The following PUS10 variants were observed in gnomAD, a reference collection of about 807,000 sequenced individuals.
PUS10 encodes pseudouridine synthase 10.
Under a neutral mutation model 75.0 loss-of-function variants are expected in PUS10, and 59 were observed. The observed-to-expected ratio is 0.79, with a 90% CI of 0.64 to 0.98. PUS10 has a LOEUF of 0.98. Among genes scored for constraint, PUS10 ranks in the 50% least tolerant of loss-of-function variants. The probability of loss-of-function intolerance (pLI) is 0.00; values close to 1 mark genes in which losing one functional copy is unlikely to be tolerated. For synonymous variants in PUS10, 219 were observed against 211.6 expected, an observed-to-expected ratio of 1.03 and a Z score of -0.30; for missense variants, 650 against 614.4, an observed-to-expected ratio of 1.06 and a Z score of -0.61.
rs374136494 is a variant in PUS10 at position 60,948,194 on chromosome 2, G to C, written c.1309-9C>G. The C allele has an allele frequency of 2.7e-5, 44 of 1,613,750 alleles. No individual in the cohort carries two copies. The African/African-American group carries it at 5.3e-4, about 20-fold the overall frequency. On this transcript the variant is annotated splice_polypyrimidine_tract_variant and intron_variant, in intron 15 of 17. Transcript: ENST00000316752. ...TGGTCGATTTTTAAGTCCTAGGGGAGAATATGACACACAGTCCCAGAGTCA... is the reference window on the plus strand; with the variant it reads ...TGGTCGATTTTTAAGTCCTAGGGGACAATATGACACACAGTCCCAGAGTCA...
At position 60,948,173 on chromosome 2, in the gene PUS10, C is replaced by A; in HGVS notation, c.1321G>T (p.Asp441Tyr). 1 of 1,613,968 alleles carries A rather than the reference C, an allele frequency of 6.2e-7. No individual in the cohort carries two copies. Among genetic ancestry groups the A allele is most frequent in the Non-Finnish European group, 8.5e-7 (1 of 1,179,968 alleles). ...AGGACGCGCAAAGGTGTTTTCTGGT[C>A]GATTTTTAAGTCCTAGGGGAGAATA... ...FLNDIKDLKI[D>Y]QKTPLRVLHR... Residue 441 changes from aspartate (D) to tyrosine (Y), a missense_variant, in exon 16 of 18, where the codon GAC becomes TAC. By Grantham distance (160) the Asp-to-Tyr change is radical. Transcript: ENST00000316752.
chr2:61,007,946 G>C (rs531711700), intron 3 of PUS10, among the ~76,000 whole-genome samples: 2 of 150,338 alleles, frequency 1.3e-5, no homozygotes, highest in African/African-American at 4.9e-5. Flanking sequence ...GCTGGGTGGC[G>C]GGTGCCTGTA....
chr2:61,005,066 C>T lies in PUS10; in HGVS notation c.468+1491G>A, dbSNP rs545545253. 5.3e-5 allele frequency among the ~76,000 whole-genome samples: 8 copies of T among 152,242 alleles called. No homozygotes were observed. In the East Asian group the frequency reaches 1.2e-3, roughly 22 times the overall value. ...GGTCGGGTGTCGGAGACCAGCCTGA[C>T]CAACGTGGAGAAACCCCGTCTCTAC... On this transcript the variant is annotated intron_variant, in intron 4 of 17. Transcript: ENST00000316752.
intron 4 of PUS10, among the ~76,000 whole-genome samples, chr2:60,982,486 C>T (rs903522448): frequency 9.9e-5 from 15 of 152,120 alleles, no homozygotes; most frequent in Non-Finnish European, 1.6e-4. Flanking sequence ...TGGTCTCAAA[C>T]TCCTGACCTC....
intron 4 of PUS10, among the ~76,000 whole-genome samples, chr2:60,993,297 A>G (rs956780098): frequency 6.6e-6 from 1 of 152,090 alleles, no homozygotes; most frequent in African/African-American, 2.4e-5. Context: ...TCTACTAAGA[A>G]TACAAAAAAA....
In PUS10 at chr2:60,953,812, C is replaced by A. The variant is rs1056726465; in HGVS notation, c.1190+121G>T. The A allele has an allele frequency of 1.3e-4, 97 of 726,738 alleles. No individual in the cohort carries two copies. In the Middle Eastern group the frequency reaches 3.1e-3, roughly 23 times the overall value. 45.0% of individuals were successfully genotyped at this position (726,738 alleles called of 1,614,324 possible). A position where few individuals can be genotyped will look rare whatever the true frequency, so the allele number is the denominator to read the frequency against. ...GAGAAATGTCTACTTAATCATTTCCCCATTTGTAGTTGTGTTGTTAAGAGT... is the reference window on the plus strand; with the variant it reads ...GAGAAATGTCTACTTAATCATTTCCACATTTGTAGTTGTGTTGTTAAGAGT... On this transcript the variant is annotated intron_variant, in intron 14 of 17. Transcript: ENST00000316752.
intron 15 of PUS10, among the ~76,000 whole-genome samples, chr2:60,949,334 A>C (rs1675190186): frequency 6.6e-6 from 1 of 152,206 alleles, no homozygotes; most frequent in African/African-American, 2.4e-5. Context: ...CTTTAAATTA[A>C]CAACTATCTA....
At chr2:60,974,527 G>A (rs920979037) in intron 4 of PUS10, among the ~76,000 whole-genome samples, 1 of 151,952 alleles carries the variant, frequency 6.6e-6, no homozygotes, top group Non-Finnish European at 1.5e-5. Flanking sequence ...CTCACCACGG[G>A]GGACGAGAAG....
At chr2:60,986,090 T>G (rs1160931687) in intron 4 of PUS10, among the ~76,000 whole-genome samples, 1 of 152,192 alleles carries the variant, frequency 6.6e-6, no homozygotes, top group Non-Finnish European at 1.5e-5. Context: ...ACTTCCTTCA[T>G]TGATAGATCA....
chr2:61,000,281 AAAT>A (rs1678767159), intron 4 of PUS10, among the ~76,000 whole-genome samples: 1 of 152,222 alleles, frequency 6.6e-6, no homozygotes, highest in African/African-American at 2.4e-5. Flanking sequence ...TCTCAAAATT[AAAT>A]AACCCAAGCT....
chr2:61,002,555 C>G (rs1489139146), intron 4 of PUS10, among the ~76,000 whole-genome samples: 5 of 152,198 alleles, frequency 3.3e-5, no homozygotes, highest in African/African-American at 1.2e-4. Context: ...TACAGTGATC[C>G]TCCCACCTCA....
At position 61,008,858 on chromosome 2, in the gene PUS10, T is replaced by C. The variant is rs1573520814; in HGVS notation, c.284A>G (p.His95Arg). ...QNGEGRISVS[H>R]VGSTASKNSN... ...GTTCTTGGAAGCAGTGCTTCCAACA[T>C]GACTAACAGAGATCCTTCCCTCTCC... The change falls in exon 3 of 18, where the codon CAT becomes CGT. Residue 95 changes from histidine to arginine, a missense_variant. Coordinates refer to ENST00000316752, the MANE Select transcript of PUS10 (RefSeq NM_144709.4). 6.2e-7 allele frequency: 1 copy of C among 1,613,292 alleles called. No homozygotes were observed. Among genetic ancestry groups the C allele is most frequent in the Non-Finnish European group, 8.5e-7 (1 of 1,179,484 alleles).
chr2:60,966,322 G>A (rs1676338036), intron 6 of PUS10: 1 of 152,108 alleles, frequency 6.6e-6, no homozygotes. Flanking sequence ...GAGGGGTCAG[G>A]GGCAGGAATA....
chr2:60,950,190 T>C (rs1003438475), intron 15 of PUS10, among the ~76,000 whole-genome samples: 3 of 152,222 alleles, frequency 2.0e-5, no homozygotes, highest in African/African-American at 7.2e-5. Context: ...GATGATCTAG[T>C]CCATCTCCTC....
rs1420049811 is a variant in PUS10, at chr2:60,952,987, C to T, written c.1308+10G>A. 1 of 1,343,040 alleles carries T rather than the reference C, an allele frequency of 7.4e-7. No homozygotes were observed. The highest frequency in any genetic ancestry group is 1.4e-5 in the African/African-American group (1 of 68,996). The allele number at this position is 1,343,040 out of a possible 1,614,324, so 83.2% of individuals were successfully genotyped here. Reference sequence around the variant, plus strand: ...AAATGAAATAAAAAGAATAAGCACACTTAAACTACCTTTATGTCATTTAGG... The same window carrying T: ...AAATGAAATAAAAAGAATAAGCACATTTAAACTACCTTTATGTCATTTAGG... On this transcript the variant is annotated intron_variant, in intron 15 of 17. Coordinates refer to ENST00000316752, the MANE Select transcript of PUS10 (RefSeq NM_144709.4).
At chr2:61,015,237 C>T (rs1047200730) in intron 1 of PUS10, among the ~76,000 whole-genome samples, 5 of 152,180 alleles carry the variant, frequency 3.3e-5, no homozygotes, top group Non-Finnish European at 7.3e-5. Context: ...CAGTGGCTCA[C>T]GCCTGTAATC....
intron 4 of PUS10, among the ~76,000 whole-genome samples, chr2:60,980,899 C>CT (rs895788140): frequency 1.5e-4 from 23 of 152,034 alleles, no homozygotes; most frequent in African/African-American, 4.1e-4. Context: ...CCATTACATT[C>CT]TTTTTTTTAT....
intron 17 of PUS10, among the ~76,000 whole-genome samples, chr2:60,943,013 A>G (rs1177044042): frequency 6.6e-6 from 1 of 150,870 alleles, no homozygotes; most frequent in Non-Finnish European, 1.5e-5. Flanking sequence ...CCTGGGTGAC[A>G]GAATGAGACC....
chr2:60,978,886 C>A (rs909803416), intron 4 of PUS10, among the ~76,000 whole-genome samples: 6 of 152,188 alleles, frequency 3.9e-5, no homozygotes, highest in Non-Finnish European at 7.3e-5. Context: ...CACAGATTGG[C>A]AGGACTTGCT....
Sources: gnomAD v4.1 joint callset for allele counts (sites outside exome capture counted in the v4.1 genomes callset) on GRCh38, gnomAD v4.1.1 for gene constraint, MANE v1.5 for transcripts, NCBI Gene and HGNC (gene_info 2026-07-23, HGNC 2026-07-21) for gene names.